The following THAP11 variants were observed in gnomAD, a reference collection of about 807,000 sequenced individuals.
THAP11 encodes THAP domain containing 11.
A neutral mutation model predicts 24.1 loss-of-function variants in THAP11; 8 were observed. That is an observed-to-expected ratio of 0.33 (90% CI 0.20 to 0.60). The LOEUF is 0.60. Among genes scored for constraint, THAP11 ranks in the 20% least tolerant of loss-of-function variants. THAP11 has a pLI of 0.82. For synonymous variants in THAP11, 222 were observed against 180.2 expected, an observed-to-expected ratio of 1.23 and a Z score of -1.86; for missense variants, 276 against 418.4, an observed-to-expected ratio of 0.66 and a Z score of 2.97.
chr16:67,842,668 G>A lies in THAP11; in HGVS notation c.114G>A (p.Lys38=). ...CTGAGTTGCGGCGCCTCTGGCTCAA[G>A]AACGTGTCGCGTGCCGGCGTCAGTG... is the stretch of plus-strand genomic sequence containing the variant. ...KDAELRRLWL[K]NVSRAGVSGC... The change falls in exon 1 of 1, where the codon AAG becomes AAA. Residue 38 remains lysine, a synonymous_variant. Coordinates refer to ENST00000303596, the MANE Select transcript of THAP11 (RefSeq NM_020457.3). This position sits in a 1 kb window ranked among gnomAD's most constrained non-coding sequence, Gnocchi z 4.9. The A allele has an allele frequency of 3.8e-6, 6 of 1,572,200 alleles. No homozygotes were observed. The highest frequency in any genetic ancestry group is 5.2e-6 in the Non-Finnish European group (6 of 1,158,098).
chr16:67,842,850 C>T lies in THAP11; in HGVS notation c.296C>T (p.Ala99Val). ...GCGCGCAGACCCGCTGGGGCCGCGG[C>T]CGCCCGCCGCAGGCAGCAGCAGCAA... ...KVARRPAGAA[A>V]ARRRQQQQQQ... The change falls in exon 1 of 1, where the codon GCC becomes GTC. Residue 99 changes from alanine (A) to valine (V), a missense_variant. Physicochemically the swap from Ala to Val is moderately conservative, Grantham distance 64. Coordinates refer to ENST00000303596, the MANE Select transcript of THAP11 (RefSeq NM_020457.3). This position sits in a 1 kb window ranked among gnomAD's most constrained non-coding sequence, Gnocchi z 4.9. 1.9e-6 allele frequency: 3 copies of T among 1,607,234 alleles called. No homozygotes were observed. Among genetic ancestry groups the T allele is most frequent in the Non-Finnish European group, 2.5e-6 (3 of 1,178,690 alleles).
In THAP11 at chr16:67,843,054, G is replaced by T. The variant is rs370193398; in HGVS notation, c.500G>T (p.Ser167Ile). ...LLTLQATVDS[S>I]QAPGSVQPAP... is the part of the protein sequence containing the mutation. Reference sequence around the variant, plus strand: ...ACCCTTCAGGCCACTGTAGACAGCAGTCAGGCTCCGGGATCCGTACAGCCG... The same window carrying T: ...ACCCTTCAGGCCACTGTAGACAGCATTCAGGCTCCGGGATCCGTACAGCCG... The change falls in exon 1 of 1, where the codon AGT becomes ATT. Residue 167 changes from serine (S) to isoleucine (I), a missense_variant. Coordinates refer to ENST00000303596, the MANE Select transcript of THAP11 (RefSeq NM_020457.3). This position sits in a 1 kb window ranked among gnomAD's most constrained non-coding sequence, Gnocchi z 5.7. 5 of 1,612,090 alleles carry T rather than the reference G, an allele frequency of 3.1e-6. No homozygotes were observed. The African/African-American group carries it at 5.3e-5, about 17-fold the overall frequency.
chr16:67,843,199 C>G lies in THAP11; in HGVS notation c.645C>G (p.Thr215=), dbSNP rs1353858819. The G allele has an allele frequency of 4.3e-6, 7 of 1,611,522 alleles. No individual in the cohort carries two copies. Among genetic ancestry groups the G allele is most frequent in the Non-Finnish European group, 5.9e-6 (7 of 1,179,726 alleles). Residue 215 remains threonine, a synonymous_variant, in exon 1 of 1, where the codon ACC becomes ACG. Transcript: ENST00000303596. This position sits in a 1 kb window ranked among gnomAD's most constrained non-coding sequence, Gnocchi z 5.7. ...AAAASELQAA[T]AGLEAAECPM... The stretch of plus-strand genomic sequence containing the variant: ...CCGCGTCGGAGTTACAGGCTGCTAC[C>G]GCAGGGCTGGAGGCTGCCGAGTGCC...
rs1443515837 is a variant in THAP11, at chr16:67,843,533, C to T, written c.*34C>T. 1 of 1,578,306 alleles carries T rather than the reference C, an allele frequency of 6.3e-7. No individual in the cohort carries two copies. Among genetic ancestry groups the T allele is most frequent in the Non-Finnish European group, 8.6e-7 (1 of 1,161,500 alleles). ...CCCGGCAGCCTGCTGGACTCCCAGACCCCATCCAGCCAGGGGACCGCAGGC... is the reference window on the plus strand; with the variant it reads ...CCCGGCAGCCTGCTGGACTCCCAGATCCCATCCAGCCAGGGGACCGCAGGC... On this transcript the variant is annotated 3_prime_UTR_variant, in exon 1 of 1. Transcript: ENST00000303596. The surrounding 1 kb of genome is among the most constrained non-coding windows in gnomAD (Gnocchi z 5.7).
chr16:67,842,902 ACAGCAGCAGCAGCAGCAACAGCAG>A lies in THAP11; in HGVS notation c.366_389del (p.Gln125_Gln132del), dbSNP rs750882791. The A allele has an allele frequency of 2.8e-3, 4,405 of 1,583,082 alleles. 8 individuals carry two copies. Among genetic ancestry groups the A allele is most frequent in the Non-Finnish European group, 2.7e-3 (3,143 of 1,165,758 alleles). On this transcript the variant is annotated inframe_deletion, in exon 1 of 1. Transcript: ENST00000303596. This position sits in a 1 kb window ranked among gnomAD's most constrained non-coding sequence, Gnocchi z 4.9. ...AGCAGCAGCAGCAGCAACAGCAGCA[ACAGCAGCAGCAGCAGCAACAGCAG>A]CAGCAGCAGCAGCAGCAGCAGCAGT...
Position 67,843,101 on chromosome 16 carries a change from G to A in THAP11, c.547G>A (p.Glu183Lys). 1.2e-6 allele frequency: 2 copies of A among 1,610,984 alleles called. No individual in the cohort carries two copies. Among genetic ancestry groups the A allele is most frequent in the Non-Finnish European group, 1.7e-6 (2 of 1,179,964 alleles). Residue 183 changes from glutamate to lysine, a missense_variant, in exon 1 of 1, where the codon GAA becomes AAA. Glu to Lys is a moderately conservative substitution (Grantham distance 56). Transcript: ENST00000303596. The surrounding 1 kb of genome is among the most constrained non-coding windows in gnomAD (Gnocchi z 5.7). ...VQPAPITPTG[E>K]DVKPIDLTVQ... ...GCCGGCGCCCATCACTCCCACTGGAGAAGACGTGAAGCCCATCGATCTCAC... is the reference window on the plus strand; with the variant it reads ...GCCGGCGCCCATCACTCCCACTGGAAAAGACGTGAAGCCCATCGATCTCAC...
Position 67,843,660 on chromosome 16 carries a change from T to A in THAP11, c.*161T>A. The A allele has an allele frequency of 2.9e-6, 2 of 695,594 alleles. No homozygotes were observed. Among genetic ancestry groups the A allele is most frequent in the Non-Finnish European group, 4.8e-6 (2 of 420,898 alleles). 43.1% of individuals were successfully genotyped at this position (695,594 alleles called of 1,614,324 possible). A position where few individuals can be genotyped will look rare whatever the true frequency, so the allele number is the denominator to read the frequency against. Reference sequence around the variant, plus strand: ...TGACCTGGCATCCTCAATTGTTTCCTCCTGAAGTGGAAGCTGGGGCCTTAG... The same window carrying A: ...TGACCTGGCATCCTCAATTGTTTCCACCTGAAGTGGAAGCTGGGGCCTTAG... On this transcript the variant is annotated 3_prime_UTR_variant, in exon 1 of 1. Coordinates refer to ENST00000303596, the MANE Select transcript of THAP11 (RefSeq NM_020457.3). The surrounding 1 kb of genome is among the most constrained non-coding windows in gnomAD (Gnocchi z 5.7).
In THAP11 at chr16:67,843,585, G is replaced by T; in HGVS notation, c.*86G>T. On this transcript the variant is annotated 3_prime_UTR_variant, in exon 1 of 1. Transcript: ENST00000303596. This position sits in a 1 kb window ranked among gnomAD's most constrained non-coding sequence, Gnocchi z 5.7. ...ATTGTTGAACTCCTCTATACTCCTGGGCACTGGTTGACAGTACTGAGGCTT... is the reference window on the plus strand; with the variant it reads ...ATTGTTGAACTCCTCTATACTCCTGTGCACTGGTTGACAGTACTGAGGCTT... 7.3e-7 allele frequency: 1 copy of T among 1,373,720 alleles called. No homozygotes were observed. Among genetic ancestry groups the T allele is most frequent in the Non-Finnish European group, 9.9e-7 (1 of 1,010,318 alleles). 85.1% of individuals were successfully genotyped at this position (1,373,720 alleles called of 1,614,324 possible).
chr16:67,842,483 C>T lies in THAP11; in HGVS notation c.-72C>T. The stretch of plus-strand genomic sequence containing the variant: ...GCGGCGCCGCCCGTCGAGGGGCGGG[C>T]GGCGGCGTAGCCACTGGGCCGTCGA... On this transcript the variant is annotated 5_prime_UTR_variant, in exon 1 of 1. Transcript: ENST00000303596. This position sits in a 1 kb window ranked among gnomAD's most constrained non-coding sequence, Gnocchi z 4.9. The T allele has an allele frequency of 1.7e-6, 2 of 1,204,240 alleles. No homozygotes were observed. Among genetic ancestry groups the T allele is most frequent in the African/African-American group, 3.2e-5 (2 of 62,650 alleles). 74.6% of individuals were successfully genotyped at this position (1,204,240 alleles called of 1,614,324 possible).
chr16:67,842,964 C>T lies in THAP11; in HGVS notation c.410C>T (p.Ala137Val), dbSNP rs371927292. ...CAGCAGCAGCAGTCCTCACCCTCTG[C>T]CTCCACTGCCCAGACTGCCCAGCTG... ...QQQQQQSSPS[A>V]STAQTAQLQP... The change falls in exon 1 of 1, where the codon GCC becomes GTC. Residue 137 changes from alanine to valine, a missense_variant. By Grantham distance (64) the Ala-to-Val change is moderately conservative. Transcript: ENST00000303596. This position sits in a 1 kb window ranked among gnomAD's most constrained non-coding sequence, Gnocchi z 4.9. 14 of 1,606,904 alleles carry T rather than the reference C, an allele frequency of 8.7e-6. No individual in the cohort carries two copies. Among genetic ancestry groups the T allele is most frequent in the African/African-American group, 5.4e-5 (4 of 74,588 alleles).
chr16:67,842,972 G>T lies in THAP11; in HGVS notation c.418G>T (p.Ala140Ser). ...QQQSSPSAST[A>S]QTAQLQPNLV... is the part of the protein sequence containing the mutation. The stretch of plus-strand genomic sequence containing the variant: ...GCAGTCCTCACCCTCTGCCTCCACT[G>T]CCCAGACTGCCCAGCTGCAGCCGAA... Residue 140 changes from alanine (A) to serine (S), a missense_variant, in exon 1 of 1, where the codon GCC becomes TCC. Physicochemically the swap from Ala to Ser is moderately conservative, Grantham distance 99. Around this residue, in one of 3 missense-constraint regions of THAP11, gnomAD observed 210 missense variants for 203.4 expected, o/e 1.03. Transcript: ENST00000303596. This position sits in a 1 kb window ranked among gnomAD's most constrained non-coding sequence, Gnocchi z 4.9. 2 of 1,608,476 alleles carry T rather than the reference G, an allele frequency of 1.2e-6. No homozygotes were observed. Among genetic ancestry groups the T allele is most frequent in the Non-Finnish European group, 1.7e-6 (2 of 1,178,072 alleles).
At position 67,843,074 on chromosome 16, in the gene THAP11, C is replaced by G; in HGVS notation, c.520C>G (p.Gln174Glu). Reference protein sequence around the residue: ...VDSSQAPGSVQPAPITPTGED... With the variant: ...VDSSQAPGSVEPAPITPTGED... ...CAGCAGTCAGGCTCCGGGATCCGTA[C>G]AGCCGGCGCCCATCACTCCCACTGG... Residue 174 changes from glutamine to glutamate, a missense_variant, in exon 1 of 1, where the codon CAG becomes GAG. Gln to Glu is a conservative substitution (Grantham distance 29). This residue lies in a region of THAP11 where 210 missense variants were observed against 203.4 expected (regional missense o/e 1.03). Coordinates refer to ENST00000303596, the MANE Select transcript of THAP11 (RefSeq NM_020457.3). The surrounding 1 kb of genome is among the most constrained non-coding windows in gnomAD (Gnocchi z 5.7). 3 of 1,611,622 alleles carry G rather than the reference C, an allele frequency of 1.9e-6. No individual in the cohort carries two copies. The highest frequency in any genetic ancestry group is 2.5e-6 in the Non-Finnish European group (3 of 1,180,006).
Position 67,843,683 on chromosome 16 carries a change from T to TAA in THAP11, c.*185_*186insAA. 1.6e-6 allele frequency: 1 copy of TAA among 612,618 alleles called. No individual in the cohort carries two copies. Among genetic ancestry groups the TAA allele is most frequent in the Non-Finnish European group, 2.9e-6 (1 of 348,118 alleles). 37.9% of individuals were successfully genotyped at this position (612,618 alleles called of 1,614,324 possible). ...CCTCCTGAAGTGGAAGCTGGGGCCTTAGACTCTGCCCTGGTGACACCAGCA... is the reference window on the plus strand; with the variant it reads ...CCTCCTGAAGTGGAAGCTGGGGCCTTAAAGACTCTGCCCTGGTGACACCAGCA... On this transcript the variant is annotated 3_prime_UTR_variant, in exon 1 of 1. Coordinates refer to ENST00000303596, the MANE Select transcript of THAP11 (RefSeq NM_020457.3). The surrounding 1 kb of genome is among the most constrained non-coding windows in gnomAD (Gnocchi z 5.7).
chr16:67,843,510 CG>C lies in THAP11; in HGVS notation c.*13del, dbSNP rs1271694283. On this transcript the variant is annotated 3_prime_UTR_variant, in exon 1 of 1. Transcript: ENST00000303596. This position sits in a 1 kb window ranked among gnomAD's most constrained non-coding sequence, Gnocchi z 5.7. ...AAGCACGGAATGTGAACTGGTGCCC[CG>C]GCAGCCTGCTGGACTCCCAGACCCC... 6.3e-7 allele frequency: 1 copy of C among 1,596,046 alleles called. No individual in the cohort carries two copies. Among genetic ancestry groups the C allele is most frequent in the Non-Finnish European group, 8.5e-7 (1 of 1,170,476 alleles).
rs753009052 is a variant in THAP11 at position 67,842,861 on chromosome 16, A to G, written c.307A>G (p.Arg103Gly). ...RPAGAAAARR[R>G]QQQQQQQQQQ... Reference sequence around the variant, plus strand: ...CGCTGGGGCCGCGGCCGCCCGCCGCAGGCAGCAGCAGCAACAGCAGCAGCA... The same window carrying G: ...CGCTGGGGCCGCGGCCGCCCGCCGCGGGCAGCAGCAGCAACAGCAGCAGCA... Residue 103 changes from arginine to glycine, a missense_variant, in exon 1 of 1, where the codon AGG becomes GGG. By Grantham distance (125) the Arg-to-Gly change is moderately radical. Around this residue, in one of 3 missense-constraint regions of THAP11, gnomAD observed 210 missense variants for 203.4 expected, o/e 1.03. Coordinates refer to ENST00000303596, the MANE Select transcript of THAP11 (RefSeq NM_020457.3). The surrounding 1 kb of genome is among the most constrained non-coding windows in gnomAD (Gnocchi z 4.9). The G allele has an allele frequency of 1.9e-6, 3 of 1,607,912 alleles. No homozygotes were observed. Among genetic ancestry groups the G allele is most frequent in the Non-Finnish European group, 2.5e-6 (3 of 1,177,518 alleles).
Position 67,842,686 on chromosome 16 carries a change from C to A in THAP11, c.132C>A (p.Gly44=), listed in dbSNP as rs1277034048. The A allele has an allele frequency of 1.3e-6, 2 of 1,586,732 alleles. No homozygotes were observed. Among genetic ancestry groups the A allele is most frequent in the Non-Finnish European group, 1.7e-6 (2 of 1,166,248 alleles). Residue 44 remains glycine (G), a synonymous_variant, in exon 1 of 1, where the codon GGC becomes GGA. Coordinates refer to ENST00000303596, the MANE Select transcript of THAP11 (RefSeq NM_020457.3). This position sits in a 1 kb window ranked among gnomAD's most constrained non-coding sequence, Gnocchi z 4.9. ...RLWLKNVSRA[G]VSGCFSTFQP... is the part of the protein sequence containing the mutation. The stretch of plus-strand genomic sequence containing the variant: ...GGCTCAAGAACGTGTCGCGTGCCGG[C>A]GTCAGTGGGTGCTTCTCCACCTTCC...
Position 67,843,501 on chromosome 16 carries a change from C to T in THAP11, c.*2C>T. The T allele has an allele frequency of 3.1e-6, 5 of 1,602,832 alleles. No individual in the cohort carries two copies. Among genetic ancestry groups the T allele is most frequent in the Non-Finnish European group, 4.3e-6 (5 of 1,173,788 alleles). On this transcript the variant is annotated 3_prime_UTR_variant, in exon 1 of 1. Coordinates refer to ENST00000303596, the MANE Select transcript of THAP11 (RefSeq NM_020457.3). The surrounding 1 kb of genome is among the most constrained non-coding windows in gnomAD (Gnocchi z 5.7). Reference sequence around the variant, plus strand: ...ATCCGCAAGAAGCACGGAATGTGAACTGGTGCCCCGGCAGCCTGCTGGACT... The same window carrying T: ...ATCCGCAAGAAGCACGGAATGTGAATTGGTGCCCCGGCAGCCTGCTGGACT...
In THAP11 at chr16:67,843,485, A is replaced by G; in HGVS notation, c.931A>G (p.Lys311Glu). The change falls in exon 1 of 1, where the codon AAG becomes GAG. Residue 311 changes from lysine to glutamate, a missense_variant. Lys to Glu is a moderately conservative substitution (Grantham distance 56, BLOSUM62 1). This residue lies in a region of THAP11 where 38 missense variants were observed against 95.9 expected (regional missense o/e 0.40). Coordinates refer to ENST00000303596, the MANE Select transcript of THAP11 (RefSeq NM_020457.3). This position sits in a 1 kb window ranked among gnomAD's most constrained non-coding sequence, Gnocchi z 5.7. ...RLLAMAVIRK[K>E]HGM ...GCTTGCCATGGCTGTCATCCGCAAG[A>G]AGCACGGAATGTGAACTGGTGCCCC... is the stretch of plus-strand genomic sequence containing the variant. The G allele has an allele frequency of 1.2e-6, 2 of 1,610,298 alleles. No individual in the cohort carries two copies. Among genetic ancestry groups the G allele is most frequent in the Non-Finnish European group, 1.7e-6 (2 of 1,177,964 alleles).
rs769030150 is a variant in THAP11, at chr16:67,842,917, GCAA to G, written c.366_368del (p.Gln132del). 510 of 1,511,346 alleles carry G rather than the reference GCAA, an allele frequency of 3.4e-4. 1 individual carries two copies. The Middle Eastern group carries it at 7.0e-3, about 21-fold the overall frequency. The allele number at this position is 1,511,346 out of a possible 1,614,324, so 93.6% of individuals were successfully genotyped here. A position where few individuals can be genotyped will look rare whatever the true frequency, so the allele number is the denominator to read the frequency against. On this transcript the variant is annotated inframe_deletion, in exon 1 of 1. Transcript: ENST00000303596. This position sits in a 1 kb window ranked among gnomAD's most constrained non-coding sequence, Gnocchi z 4.9. ...AACAGCAGCAACAGCAGCAGCAGCA[GCAA>G]CAGCAGCAGCAGCAGCAGCAGCAGC... is the stretch of plus-strand genomic sequence containing the variant.
Sources: allele counts gnomAD v4.1 joint callset, GRCh38; gene constraint gnomAD v4.1.1; regional missense constraint gnomAD v4.1.1; non-coding constraint Gnocchi (gnomAD v3.1); transcripts MANE v1.5; gene names NCBI Gene and HGNC (gene_info 2026-07-23, HGNC 2026-07-21).